FFAR4: variants seen among roughly 807,000 people sequenced by gnomAD.
FFAR4 encodes G-protein coupled receptor 120.
A neutral mutation model predicts 27.0 loss-of-function variants in FFAR4; 19 were observed. The ratio of observed to expected loss-of-function variants is 0.70; its 90% CI spans 0.49 to 1.03. The LOEUF (loss-of-function observed/expected upper bound fraction) is 1.03, where lower values mean the gene tolerates loss of function less well. FFAR4 is among the 50% of genes least tolerant of loss of function. The probability of loss-of-function intolerance (pLI) is 0.00; values close to 1 mark genes in which losing one functional copy is unlikely to be tolerated. For synonymous variants in FFAR4, 254 were observed against 215.6 expected (o/e 1.18, Z -1.56); for missense variants, 476 against 479.0 (o/e 0.99, Z 0.06).
intron 1 of FFAR4, among the ~76,000 whole-genome samples, chr10:93,574,734 A>C (rs138749253): frequency 6.7e-6 from 1 of 149,222 alleles, no homozygotes; most frequent in Admixed American, 6.7e-5. Context: ...TAAAAATACA[A>C]AAAAAAAAAA....
intron 2 of FFAR4, among the ~76,000 whole-genome samples, chr10:93,579,996 G>A (rs550073595): frequency 1.6e-4 from 24 of 152,236 alleles, no homozygotes; most frequent in African/African-American, 4.3e-4. Context: ...TACTTTCCAC[G>A]TTATTAGCAA....
intron 2 of FFAR4, among the ~76,000 whole-genome samples, chr10:93,584,286 G>C (rs2422267): frequency 0.13 from 20,475 of 152,152 alleles, 1,952 homozygotes; most frequent in African/African-American, 0.27. Flanking sequence ...GGGGAGGGGA[G>C]AGCTGAATAG....
chr10:93,583,660 G>C (rs2058212108), intron 2 of FFAR4, among the ~76,000 whole-genome samples: 1 of 152,210 alleles, frequency 6.6e-6, no homozygotes, highest in African/African-American at 2.4e-5. Flanking sequence ...GCGTCAGGCT[G>C]CCAAGTTGGC....
At chr10:93,572,858 T>C (rs540500609) in intron 1 of FFAR4, among the ~76,000 whole-genome samples, 1 of 152,278 alleles carries the variant, frequency 6.6e-6, no homozygotes, top group Admixed American at 6.5e-5. Flanking sequence ...GAGCTTTACC[T>C]GCAAAAGGAG....
intron 1 of FFAR4, among the ~76,000 whole-genome samples, chr10:93,570,564 C>T (rs936465538): frequency 2.0e-5 from 3 of 152,138 alleles, no homozygotes; most frequent in African/African-American, 4.8e-5. Context: ...CCAAACCACA[C>T]GCTGAGAGAA....
intron 2 of FFAR4, among the ~76,000 whole-genome samples, chr10:93,583,055 G>A (rs2058207611): frequency 1.3e-5 from 2 of 151,976 alleles, no homozygotes; most frequent in South Asian, 4.2e-4. Flanking sequence ...ATTACAATTC[G>A]AGATGAGATT....
rs1476778687 is a variant in FFAR4 at position 93,587,805 on chromosome 10, G to T, written c.*196G>T. 2 of 564,228 alleles carry T rather than the reference G, an allele frequency of 3.5e-6. No homozygotes were observed. The allele number at this position is 564,228 out of a possible 1,614,324, so 35.0% of individuals were successfully genotyped here. Reference sequence around the variant, plus strand: ...TTTCCCTTTATAAAAGGATTTGTTGGCCAGGTGCAGTGGTTCATGCCTGTA... The same window carrying T: ...TTTCCCTTTATAAAAGGATTTGTTGTCCAGGTGCAGTGGTTCATGCCTGTA... On this transcript the variant is annotated 3_prime_UTR_variant, in exon 3 of 3. Coordinates refer to ENST00000371481, the MANE Select transcript of FFAR4 (RefSeq NM_001195755.2).
At chr10:93,580,602 T>C (rs60515720) in intron 2 of FFAR4, among the ~76,000 whole-genome samples, 10,874 of 152,222 alleles carry the variant, frequency 0.071, 503 homozygotes, top group South Asian at 0.21. Flanking sequence ...ATAGAATAGG[T>C]ATCATTGCTA....
chr10:93,578,103 G>C (rs957669787), intron 2 of FFAR4, among the ~76,000 whole-genome samples: 2 of 152,074 alleles, frequency 1.3e-5, no homozygotes, highest in Non-Finnish European at 2.9e-5. Context: ...ACAAACGTAA[G>C]GGACGAATAA....
intron 2 of FFAR4, among the ~76,000 whole-genome samples, chr10:93,582,619 G>A (rs1054690890): frequency 8.6e-5 from 13 of 150,582 alleles, no homozygotes; most frequent in Non-Finnish European, 1.3e-4. Flanking sequence ...TCTGTCACCC[G>A]CAGCCATTGT....
chr10:93,584,768 G>A (rs570869932), intron 2 of FFAR4, among the ~76,000 whole-genome samples: 26 of 151,800 alleles, frequency 1.7e-4, no homozygotes, highest in Non-Finnish European at 2.8e-4. Flanking sequence ...GTGCAGTGGC[G>A]CAATCTCGGC....
chr10:93,574,856 G>A (rs1484909491), intron 1 of FFAR4, among the ~76,000 whole-genome samples: 4 of 152,084 alleles, frequency 2.6e-5, no homozygotes, highest in African/African-American at 4.8e-5. Context: ...CCGAGATCGC[G>A]CCACCGCACT....
chr10:93,567,343 G>A, intron 1 of FFAR4, 56 bp downstream of exon 1: 1 of 1,496,988 alleles, frequency 6.7e-7, no homozygotes, highest in Admixed American at 2.0e-5. Context: ...GGGAAGCGGG[G>A]CCCCGACGGA....
chr10:93,569,306 C>T (rs1423149804), intron 1 of FFAR4, among the ~76,000 whole-genome samples: 2 of 152,128 alleles, frequency 1.3e-5, no homozygotes, highest in Non-Finnish European at 2.9e-5. Context: ...AAGTATAACC[C>T]TAATTAATTG....
chr10:93,570,904 T>C (rs2058128258), intron 1 of FFAR4, among the ~76,000 whole-genome samples: 2 of 152,130 alleles, frequency 1.3e-5, no homozygotes, highest in Admixed American at 6.6e-5. Context: ...TACCTCACTT[T>C]CCTCTTCTGC....
intron 2 of FFAR4, chr10:93,579,175 T>C (rs2058184828): frequency 2.5e-6 from 4 of 1,614,138 alleles, no homozygotes; most frequent in African/African-American, 1.3e-5. Flanking sequence ...GAACACCTCC[T>C]GGATGCAAGA....
chr10:93,583,279 G>T (rs2058209948), intron 2 of FFAR4, among the ~76,000 whole-genome samples: 1 of 150,718 alleles, frequency 6.6e-6, no homozygotes, highest in Non-Finnish European at 1.5e-5. Flanking sequence ...AGCCGGGCGT[G>T]ATGGCGGGCG....
chr10:93,579,748 G>A (rs1264710775), intron 2 of FFAR4, among the ~76,000 whole-genome samples: 3 of 152,158 alleles, frequency 2.0e-5, no homozygotes, highest in African/African-American at 7.2e-5. Context: ...CACATTGAAA[G>A]GGGTCTACAG....
chr10:93,583,630 A>C (rs1564785253), intron 2 of FFAR4, among the ~76,000 whole-genome samples: 1 of 152,178 alleles, frequency 6.6e-6, no homozygotes, highest in Non-Finnish European at 1.5e-5. Context: ...GAACTAGTTT[A>C]TGATAAAGAC....
Sources: gnomAD v4.1 joint callset for allele counts (sites outside exome capture counted in the v4.1 genomes callset) on GRCh38, gnomAD v4.1.1 for gene constraint, MANE v1.5 for transcripts, NCBI Gene and HGNC (gene_info 2026-07-23, HGNC 2026-07-21) for gene names.